Variants in TMC5 observed in about 807,000 individuals in gnomAD.
The protein encoded by TMC5 is transmembrane channel-like protein 5.
TMC5 carries 86 observed loss-of-function variants against 110.5 expected under a neutral mutation model. That is an observed-to-expected ratio of 0.78 (90% CI 0.65 to 0.93). The LOEUF is 0.93. TMC5 is among the 40% of genes least tolerant of loss of function. The probability of loss-of-function intolerance (pLI) is 0.00; values close to 1 mark genes in which losing one functional copy is unlikely to be tolerated. For missense variants in TMC5, 1,144 were observed against 1,222.8 expected (o/e 0.94, Z 0.96); for synonymous variants, 455 against 439.5 (o/e 1.04, Z -0.44).
intron 2 of TMC5, among the ~76,000 whole-genome samples, chr16:19,438,397 A>AG (rs1399839602): frequency 9.2e-6 from 1 of 108,684 alleles, no homozygotes; most frequent in Non-Finnish European, 1.8e-5. Context: ...TGTCAAAAAA[A>AG]AAAAAAAAAA....
chr16:19,425,296 C>T (rs1212442974), intron 1 of TMC5, among the ~76,000 whole-genome samples: 1 of 148,978 alleles, frequency 6.7e-6, no homozygotes, highest in Non-Finnish European at 1.5e-5. Context: ...GTCACTTAAT[C>T]TGAGCCATTG....
chr16:19,469,606 G>A, intron 9 of TMC5, 75 bp from the exon 10 acceptor site: 1 of 1,565,594 alleles, frequency 6.4e-7, no homozygotes, highest in Non-Finnish European at 8.8e-7. Flanking sequence ...TAATAGGGCT[G>A]CCCTTTGTTG....
rs771516784 is a variant in TMC5 at position 19,498,022 on chromosome 16, T to C, written c.*56T>C. On this transcript the variant is annotated 3_prime_UTR_variant, in exon 22 of 22. Coordinates refer to ENST00000542583, the MANE Select transcript of TMC5 (RefSeq NM_001261841.2). The stretch of plus-strand genomic sequence containing the variant: ...ATAAGGGGAGGAGACGAAAATGGAA[T>C]GATTTCTTCCATGCCACCTGTGCCT... 1.8e-5 allele frequency: 28 copies of C among 1,532,544 alleles called. No individual in the cohort carries two copies. Among genetic ancestry groups the C allele is most frequent in the Non-Finnish European group, 2.5e-5 (28 of 1,105,438 alleles). 94.9% of individuals were successfully genotyped at this position (1,532,544 alleles called of 1,614,324 possible).
In TMC5 at chr16:19,444,111, C is replaced by T; in HGVS notation, c.819C>T (p.Pro273=). 1.2e-6 allele frequency: 2 copies of T among 1,614,036 alleles called. No homozygotes were observed. The highest frequency in any genetic ancestry group is 1.7e-4 in the Middle Eastern group (1 of 6,060). ...TCAGCAGAACATCTTCAATCCAGCC[C>T]TCATTTCGTCACAGGAGTGATGACC... ...GVLSRTSSIQ[P]SFRHRSDDPV... is the part of the protein sequence containing the mutation. The change falls in exon 4 of 22, where the codon CCC becomes CCT. Residue 273 remains proline (P), a synonymous_variant. Coordinates refer to ENST00000542583, the MANE Select transcript of TMC5 (RefSeq NM_001261841.2).
At chr16:19,438,606 A>T (rs890558637) in intron 2 of TMC5, among the ~76,000 whole-genome samples, 2 of 151,216 alleles carry the variant, frequency 1.3e-5, no homozygotes, top group Non-Finnish European at 3.0e-5. Context: ...AATTAGCTGG[A>T]CATGATGGTG....
In TMC5 at chr16:19,444,230, G is replaced by A; in HGVS notation, c.938G>A (p.Gly313Asp). 1.2e-6 allele frequency: 2 copies of A among 1,613,852 alleles called. No homozygotes were observed. Among genetic ancestry groups the A allele is most frequent in the African/African-American group, 2.7e-5 (2 of 75,024 alleles). The change falls in exon 4 of 22, where the codon GGT becomes GAT. Residue 313 changes from glycine (G) to aspartate (D), a missense_variant. Gly to Asp is a moderately conservative substitution (Grantham distance 94, BLOSUM62 -1). Transcript: ENST00000542583. Reference sequence around the variant, plus strand: ...AACTCATATGGCCACTCTCTGCCAGGTGCTCCTGGAAGTGGCTATGGTAAG... The same window carrying A: ...AACTCATATGGCCACTCTCTGCCAGATGCTCCTGGAAGTGGCTATGGTAAG... ...MANSYGHSLP[G>D]APGSGYVNPA...
rs371954656 is a variant in TMC5 at position 19,486,254 on chromosome 16, G to A, written c.2364-691G>A. On this transcript the variant is annotated intron_variant, in intron 15 of 21. Transcript: ENST00000542583. ...CCAAGATCAAGGTGCGGGTGGGGTTGGTTTCTTCTGAGGGTCATAAGGGAG... is the reference window on the plus strand; with the variant it reads ...CCAAGATCAAGGTGCGGGTGGGGTTAGTTTCTTCTGAGGGTCATAAGGGAG... Among the ~76,000 whole-genome samples the A allele has an allele frequency of 2.6e-5, 4 of 152,224 alleles. 1 individual carries two copies. The highest frequency in any genetic ancestry group is 9.6e-5 in the African/African-American group (4 of 41,532).
At chr16:19,438,512 C>T (rs982366189) in intron 2 of TMC5, among the ~76,000 whole-genome samples, 2 of 147,890 alleles carry the variant, frequency 1.4e-5, no homozygotes, top group South Asian at 2.2e-4. Context: ...TTTGGGAGGC[C>T]GAGACGGGTG....
chr16:19,489,591 C>A (rs1181894798), intron 17 of TMC5, among the ~76,000 whole-genome samples: 1 of 151,918 alleles, frequency 6.6e-6, no homozygotes, highest in African/African-American at 2.4e-5. Flanking sequence ...GCCTCGGCCT[C>A]CCAAAGTGCT....
chr16:19,412,625 C>T (rs765898437), intron 1 of TMC5, among the ~76,000 whole-genome samples: 25 of 152,204 alleles, frequency 1.6e-4, no homozygotes, highest in Admixed American at 1.0e-3. Context: ...GCCTCAGCCT[C>T]CCAAAGTGCT....
intron 5 of TMC5, among the ~76,000 whole-genome samples, chr16:19,455,216 G>C (rs548454202): frequency 6.6e-6 from 1 of 152,210 alleles, no homozygotes; most frequent in South Asian, 2.1e-4. Context: ...GGGAGGCTGA[G>C]GCAGGCGAAT....
At chr16:19,436,547 G>A (rs540688772) in intron 2 of TMC5, among the ~76,000 whole-genome samples, 2 of 152,272 alleles carry the variant, frequency 1.3e-5, no homozygotes, top group South Asian at 4.1e-4. Flanking sequence ...AATTTGCAAT[G>A]AAGCACAGCA....
chr16:19,491,222 C>T (rs1183845948), intron 18 of TMC5, among the ~76,000 whole-genome samples: 1 of 152,118 alleles, frequency 6.6e-6, no homozygotes, highest in Admixed American at 6.6e-5. Flanking sequence ...GTTGCCCAGG[C>T]TGGTCTCAAA....
intron 18 of TMC5, among the ~76,000 whole-genome samples, chr16:19,490,902 C>CTT (rs1597218853): frequency 1.6e-5 from 2 of 125,142 alleles, no homozygotes; most frequent in East Asian, 2.7e-4. Context: ...TCTCCCTTCC[C>CTT]CTCCCTTCCC....
chr16:19,470,736 A>G (rs1968318340), intron 10 of TMC5, among the ~76,000 whole-genome samples: 1 of 149,636 alleles, frequency 6.7e-6, no homozygotes, highest in Non-Finnish European at 1.5e-5. Flanking sequence ...AAAAAAAAAA[A>G]AAAAAAAAAA....
rs1390218867 is a variant in TMC5 at position 19,463,297 on chromosome 16, A to G, written c.1166A>G (p.Glu389Gly). 6.2e-7 allele frequency: 1 copy of G among 1,613,876 alleles called. No individual in the cohort carries two copies. The highest frequency in any genetic ancestry group is 8.5e-7 in the Non-Finnish European group (1 of 1,179,746). The change falls in exon 7 of 22, where the codon GAA becomes GGA. Residue 389 changes from glutamate (E) to glycine (G), a missense_variant. Glu to Gly is a moderately conservative substitution (Grantham distance 98). Transcript: ENST00000542583. ...CCCTACAGGAAAATAGTTGACAAAG[A>G]AAAAAGCAAACAGACCCATCGTATC... ...KRNLRKIVDK[E>G]KSKQTHRILQ... is the part of the protein sequence containing the mutation.
At chr16:19,488,592 GA>G (rs1377270968) in intron 17 of TMC5, among the ~76,000 whole-genome samples, 1 of 151,860 alleles carries the variant, frequency 6.6e-6, no homozygotes, top group African/African-American at 2.4e-5. Context: ...TCCTCTGAGT[GA>G]AGTCCTTTTC....
At chr16:19,469,268 C>T (rs951306252) in intron 9 of TMC5, among the ~76,000 whole-genome samples, 2 of 150,466 alleles carry the variant, frequency 1.3e-5, no homozygotes, top group East Asian at 4.0e-4. Flanking sequence ...GCAGGAGAAT[C>T]GCTTGAACCT....
At chr16:19,437,910 G>C (rs1241444361) in intron 2 of TMC5, among the ~76,000 whole-genome samples, 3 of 152,138 alleles carry the variant, frequency 2.0e-5, no homozygotes, top group African/African-American at 7.2e-5. Context: ...CCTGGTCCTG[G>C]AGGACTGACT....
Sources: allele counts gnomAD v4.1 joint callset (sites outside exome capture counted in the v4.1 genomes callset), GRCh38; gene constraint gnomAD v4.1.1; transcripts MANE v1.5; gene names NCBI Gene and HGNC (gene_info 2026-07-23, HGNC 2026-07-21).